The following CARS1 variants were observed in gnomAD, a reference collection of about 807,000 sequenced individuals.
CARS1 encodes cysteinyl-tRNA synthetase 1, also known as cysteine--tRNA ligase, cytoplasmic.
In CARS1, 48 loss-of-function variants were observed where a neutral mutation model predicts 106.2. The ratio of observed to expected loss-of-function variants is 0.45; its 90% CI spans 0.36 to 0.57. The LOEUF (loss-of-function observed/expected upper bound fraction) is 0.57. Among genes scored for constraint, CARS1 ranks in the 20% least tolerant of loss-of-function variants. The pLI, the probability that CARS1 is intolerant of heterozygous loss-of-function variation, is 0.00. For missense variants in CARS1, 968 were observed against 1,057.2 expected (o/e 0.92, Z 1.17); for synonymous variants, 409 against 403.4 (o/e 1.01, Z -0.17).
At position 3,018,734 on chromosome 11, in the gene CARS1, C is replaced by T. The variant is rs1242405390; in HGVS notation, c.1411G>A (p.Asp471Asn). The change falls in exon 13 of 23, where the codon GAC becomes AAC. Residue 471 changes from aspartate (D) to asparagine (N), a missense_variant. Coordinates refer to ENST00000380525, the MANE Select transcript of CARS1 (RefSeq NM_001014437.3). ...LAQSEAYFENDCWVRYFLHTG... is the reference protein window; with the variant it reads ...LAQSEAYFENNCWVRYFLHTG... ...TGCAGGAAGTACCTGACCCAGCAGT[C>T]GTTTTCAAAGTAGGCCTGCGTGGAA... 9.3e-6 allele frequency: 15 copies of T among 1,613,828 alleles called. No homozygotes were observed. Among genetic ancestry groups the T allele is most frequent in the Non-Finnish European group, 1.1e-5 (13 of 1,179,878 alleles).
chr11:3,037,938 G>C lies in CARS1; in HGVS notation c.801+112C>G. 1.8e-6 allele frequency: 2 copies of C among 1,099,696 alleles called. No individual in the cohort carries two copies. The highest frequency in any genetic ancestry group is 2.6e-6 in the Non-Finnish European group (2 of 767,032). 68.1% of individuals were successfully genotyped at this position (1,099,696 alleles called of 1,614,324 possible). A position where few individuals can be genotyped will look rare whatever the true frequency, so the allele number is the denominator to read the frequency against. On this transcript the variant is annotated intron_variant, in intron 7 of 22. Coordinates refer to ENST00000380525, the MANE Select transcript of CARS1 (RefSeq NM_001014437.3). The surrounding 1 kb of genome is among the most constrained non-coding windows in gnomAD (Gnocchi z 5.9). ...CCACAGTGGAGCTACTGGAGACACA[G>C]AGTGTCTTCCACTAAGACAATCTGT...
At position 3,026,510 on chromosome 11, in the gene CARS1, A is replaced by C. The variant is rs543323541; in HGVS notation, c.1153+166T>G. Among the ~76,000 whole-genome samples the C allele has an allele frequency of 4.6e-5, 7 of 152,320 alleles. No individual in the cohort carries two copies. The South Asian group carries it at 1.5e-3, about 32-fold the overall frequency. On this transcript the variant is annotated intron_variant, in intron 10 of 22. Coordinates refer to ENST00000380525, the MANE Select transcript of CARS1 (RefSeq NM_001014437.3). ...ACACATGTCATGGTCTTAGAGCTGC[A>C]CAATGTTGAGTGCAGAAAACTCCTA...
intron 18 of CARS1, chr11:3,007,709 G>A (rs1304360637): frequency 1.6e-4 from 24 of 150,200 alleles, no homozygotes; most frequent in Admixed American, 1.6e-3. Flanking sequence ...ACATGGGGAG[G>A]GAGCTTCGCT....
rs760409485 is a variant in CARS1 at position 3,040,852 on chromosome 11, C to T, written c.455+44G>A. 49 of 1,599,242 alleles carry T rather than the reference C, an allele frequency of 3.1e-5. No individual in the cohort carries two copies. The highest frequency in any genetic ancestry group is 2.2e-4 in the Admixed American group (13 of 58,518). ...TGGATCCCAATGGCTCTGACTTCTGCGTGCAACTGCAGAAGCTGCAGGGAC... is the reference window on the plus strand; with the variant it reads ...TGGATCCCAATGGCTCTGACTTCTGTGTGCAACTGCAGAAGCTGCAGGGAC... On this transcript the variant is annotated intron_variant, in intron 4 of 22. Transcript: ENST00000380525. This position sits in a 1 kb window ranked among gnomAD's most constrained non-coding sequence, Gnocchi z 5.8.
chr11:3,029,069 C>T lies in CARS1; in HGVS notation c.958G>A (p.Val320Ile). ...MEALNVLPPDVLTRVSEYVPE... is the reference protein window; with the variant it reads ...MEALNVLPPDILTRVSEYVPE... Reference sequence around the variant, plus strand: ...ACATACTCACTAACCCGGGTTAAGACATCTGGAGGGAGAACCTGTGCAAGA... The same window carrying T: ...ACATACTCACTAACCCGGGTTAAGATATCTGGAGGGAGAACCTGTGCAAGA... The change falls in exon 9 of 23, where the codon GTC (valine) becomes ATC (isoleucine). Residue 320 changes from valine (V) to isoleucine (I), a missense_variant. Val to Ile is a conservative substitution (Grantham distance 29, BLOSUM62 3). Coordinates refer to ENST00000380525, the MANE Select transcript of CARS1 (RefSeq NM_001014437.3). The surrounding 1 kb of genome is among the most constrained non-coding windows in gnomAD (Gnocchi z 5.9). 3.7e-6 allele frequency: 6 copies of T among 1,612,884 alleles called. No individual in the cohort carries two copies. Among genetic ancestry groups the T allele is most frequent in the South Asian group, 2.2e-5 (2 of 91,040 alleles).
In CARS1 at chr11:3,001,180, G is replaced by A; in HGVS notation, c.2430C>T (p.Leu810=). 6.2e-7 allele frequency: 1 copy of A among 1,614,140 alleles called. No homozygotes were observed. Among genetic ancestry groups the A allele is most frequent in the South Asian group, 1.1e-5 (1 of 91,090 alleles). The change falls in exon 23 of 23, where the codon CTC becomes CTT. Residue 810 remains leucine, a synonymous_variant. Coordinates refer to ENST00000380525, the MANE Select transcript of CARS1 (RefSeq NM_001014437.3). ...SKGQAKKLKK[L]FEAQEKLYKE... ...TGTAGAGCTTCTCCTGAGCCTCGAAGAGCTTCTTCAGCTTCTTGGCTTGCC... is the reference window on the plus strand; with the variant it reads ...TGTAGAGCTTCTCCTGAGCCTCGAAAAGCTTCTTCAGCTTCTTGGCTTGCC...
chr11:3,020,992 C>T lies in CARS1; in HGVS notation c.1154-660G>A, dbSNP rs748539113. ...ACAAGTTCTATTTCCTGGACAAAGC[C>T]AATGATCACCTGGCCAACAAAAACA... On this transcript the variant is annotated intron_variant, in intron 10 of 22. Coordinates refer to ENST00000380525, the MANE Select transcript of CARS1 (RefSeq NM_001014437.3). This position sits in a 1 kb window ranked among gnomAD's most constrained non-coding sequence, Gnocchi z 4.6. Among the ~76,000 whole-genome samples the T allele has an allele frequency of 6.6e-6, 1 of 152,122 alleles. No homozygotes were observed. Among genetic ancestry groups the T allele is most frequent in the African/African-American group, 2.4e-5 (1 of 41,412 alleles).
chr11:3,038,057 C>T lies in CARS1; in HGVS notation c.794G>A (p.Cys265Tyr). 3 of 1,613,082 alleles carry T rather than the reference C, an allele frequency of 1.9e-6. No individual in the cohort carries two copies. Among genetic ancestry groups the T allele is most frequent in the Non-Finnish European group, 2.5e-6 (3 of 1,179,144 alleles). ...AGATGTGTGAAGCCTCACCTCCACA[C>T]AGCTGTTGACTTCCTCTCCCGTGAG... Reference protein sequence around the residue: ...SRLTGEEVNSCVEVLLEEAKD... With the variant: ...SRLTGEEVNSYVEVLLEEAKD... The change falls in exon 7 of 23, where the codon TGT becomes TAT. Residue 265 changes from cysteine (C) to tyrosine (Y), a missense_variant. Coordinates refer to ENST00000380525, the MANE Select transcript of CARS1 (RefSeq NM_001014437.3). This position sits in a 1 kb window ranked among gnomAD's most constrained non-coding sequence, Gnocchi z 4.0.
In CARS1 at chr11:3,052,889, C is replaced by T. The variant is rs372717579; in HGVS notation, c.25+4454G>A. ...CCTGTTCCTCGACACTGGCCCTCATCGTAGAGCCTGCACGCTCCGTGCCGA... is the reference window on the plus strand; with the variant it reads ...CCTGTTCCTCGACACTGGCCCTCATTGTAGAGCCTGCACGCTCCGTGCCGA... On this transcript the variant is annotated intron_variant, in intron 1 of 22. Transcript: ENST00000380525. This position sits in a 1 kb window ranked among gnomAD's most constrained non-coding sequence, Gnocchi z 4.6. Among the ~76,000 whole-genome samples, 1 of 152,356 alleles carries T rather than the reference C, an allele frequency of 6.6e-6. No homozygotes were observed. The highest frequency in any genetic ancestry group is 6.5e-5 in the Admixed American group (1 of 15,302).
At chr11:3,042,933 C>T (rs548509518) in intron 2 of CARS1, among the ~76,000 whole-genome samples, 3 of 85,786 alleles carry the variant, frequency 3.5e-5, no homozygotes, top group Admixed American at 1.4e-4. Flanking sequence ...CTCATCACTT[C>T]GGACACTGCA....
At position 3,039,415 on chromosome 11, in the gene CARS1, G is replaced by T; in HGVS notation, c.553-123C>A. ...GTGAGGGTGGTGGGAGACAACTGTG[G>T]GCCCCGGACGTGCACACCATCATCA... On this transcript the variant is annotated intron_variant, in intron 5 of 22. Coordinates refer to ENST00000380525, the MANE Select transcript of CARS1 (RefSeq NM_001014437.3). The surrounding 1 kb of genome is among the most constrained non-coding windows in gnomAD (Gnocchi z 5.6). 1.5e-6 allele frequency: 1 copy of T among 645,768 alleles called. No individual in the cohort carries two copies. Among genetic ancestry groups the T allele is most frequent in the Non-Finnish European group, 2.8e-6 (1 of 358,172 alleles). The allele number at this position is 645,768 out of a possible 1,614,324, so 40.0% of individuals were successfully genotyped here. A position where few individuals can be genotyped will look rare whatever the true frequency, so the allele number is the denominator to read the frequency against.
At chr11:3,054,284 G>A (rs1855978209) in intron 1 of CARS1, among the ~76,000 whole-genome samples, 1 of 152,100 alleles carries the variant, frequency 6.6e-6, no homozygotes, top group Non-Finnish European at 1.5e-5. Context: ...CTCCTTACTG[G>A]GAGGGAGGTT....
intron 10 of CARS1, among the ~76,000 whole-genome samples, chr11:3,023,132 T>A (rs1362993130): frequency 2.6e-5 from 4 of 152,146 alleles, no homozygotes; most frequent in African/African-American, 9.7e-5. Flanking sequence ...AGACCCTAGA[T>A]GGGGCCAGAT....
intron 18 of CARS1, among the ~76,000 whole-genome samples, chr11:3,010,193 C>T (rs77679200): frequency 0.031 from 4,774 of 152,380 alleles, 122 homozygotes; most frequent in Middle Eastern, 0.071. Flanking sequence ...TCAGTGCCAC[C>T]GAGCGGGAGC....
At position 3,004,454 on chromosome 11, in the gene CARS1, T is replaced by C. The variant is rs914973137; in HGVS notation, c.2217+912A>G. Among the ~76,000 whole-genome samples, 5 of 152,176 alleles carry C rather than the reference T, an allele frequency of 3.3e-5. No individual in the cohort carries two copies. The highest frequency in any genetic ancestry group is 9.7e-5 in the African/African-American group (4 of 41,440). ...TCAGTTCCTCCCAGAGCCTCCTTCC[T>C]GAGAGCTGTGGCATCCAAACTCGCC... On this transcript the variant is annotated intron_variant, in intron 20 of 22. Transcript: ENST00000380525. The surrounding 1 kb of genome is among the most constrained non-coding windows in gnomAD (Gnocchi z 5.2).
rs1429242861 is a variant in CARS1, at chr11:3,017,600, G to A, written c.1727+257C>T. The A allele has an allele frequency of 1.2e-5, 7 of 560,556 alleles. No individual in the cohort carries two copies. Among genetic ancestry groups the A allele is most frequent in the South Asian group, 7.2e-5 (3 of 41,708 alleles). The allele number at this position is 560,556 out of a possible 1,614,324, so 34.7% of individuals were successfully genotyped here. On this transcript the variant is annotated intron_variant, in intron 15 of 22. Coordinates refer to ENST00000380525, the MANE Select transcript of CARS1 (RefSeq NM_001014437.3). This position sits in a 1 kb window ranked among gnomAD's most constrained non-coding sequence, Gnocchi z 4.9. ...GGAGGTTGTGGTGAGCCGAGATCACGCCACTGCACTCCAGCCTGGGCAACA... is the reference window on the plus strand; with the variant it reads ...GGAGGTTGTGGTGAGCCGAGATCACACCACTGCACTCCAGCCTGGGCAACA...
In CARS1 at chr11:3,020,182, C is replaced by A. The variant is rs1851443417; in HGVS notation, c.1266+38G>T. ...TGAGAGTGTGGCTGGCGCCAGTGCC[C>A]CTGTCCAAGCCCCACACCTTCTAGG... On this transcript the variant is annotated intron_variant, in intron 11 of 22. Transcript: ENST00000380525. The surrounding 1 kb of genome is among the most constrained non-coding windows in gnomAD (Gnocchi z 4.6). 1 of 1,246,464 alleles carries A rather than the reference C, an allele frequency of 8.0e-7. No individual in the cohort carries two copies. The highest frequency in any genetic ancestry group is 1.2e-6 in the Non-Finnish European group (1 of 844,982). 77.2% of individuals were successfully genotyped at this position (1,246,464 alleles called of 1,614,324 possible). A position where few individuals can be genotyped will look rare whatever the true frequency, so the allele number is the denominator to read the frequency against.
rs1038692277 is a variant in CARS1 at position 3,019,160 on chromosome 11, G to A, written c.1374C>T (p.Asp458=). 1.3e-6 allele frequency: 2 copies of A among 1,523,194 alleles called. No homozygotes were observed. Among genetic ancestry groups the A allele is most frequent in the African/African-American group, 2.8e-5 (2 of 70,984 alleles). The allele number at this position is 1,523,194 out of a possible 1,614,324, so 94.4% of individuals were successfully genotyped here. ...GGFDLRFPHH[D]NELAQSEAYF... is the part of the protein sequence containing the mutation. ...CTACCTCCGACTGTGCCAGCTCATTGTCATGGTGGGGGAACCGGAGGTCGA... is the reference window on the plus strand; with the variant it reads ...CTACCTCCGACTGTGCCAGCTCATTATCATGGTGGGGGAACCGGAGGTCGA... Residue 458 remains aspartate (D), a synonymous_variant, in exon 12 of 23, where the codon GAC becomes GAT. Transcript: ENST00000380525. The surrounding 1 kb of genome is among the most constrained non-coding windows in gnomAD (Gnocchi z 6.2).
rs1388125524 is a variant in CARS1, at chr11:3,041,895, C to A, written c.366+270G>T. ...TCATGGTTGGGCAGAGTCCGAGAGA[C>A]AAGCCAGGGTGATCCATGCCCAGAA... On this transcript the variant is annotated intron_variant, in intron 3 of 22. Transcript: ENST00000380525. The surrounding 1 kb of genome is among the most constrained non-coding windows in gnomAD (Gnocchi z 4.9). Among the ~76,000 whole-genome samples the A allele has an allele frequency of 6.6e-6, 1 of 152,194 alleles. No individual in the cohort carries two copies. The highest frequency in any genetic ancestry group is 1.5e-5 in the Non-Finnish European group (1 of 68,044).
Sources: gnomAD v4.1 joint callset for allele counts (sites outside exome capture counted in the v4.1 genomes callset) on GRCh38, gnomAD v4.1.1 for gene constraint, Gnocchi (gnomAD v3.1) non-coding constraint, MANE v1.5 for transcripts, NCBI Gene and HGNC (gene_info 2026-07-23, HGNC 2026-07-21) for gene names.